UVRAG: variants seen among roughly 807,000 people sequenced by gnomAD.
The protein encoded by UVRAG is UV radiation resistance-associated gene protein.
A neutral mutation model predicts 78.0 loss-of-function variants in UVRAG; 19 were observed. The ratio of observed to expected loss-of-function variants is 0.24; its 90% CI spans 0.17 to 0.36. UVRAG has a LOEUF of 0.36. Ranked by LOEUF, UVRAG falls within the 10% of genes least tolerant of loss-of-function variation. The probability of loss-of-function intolerance (pLI) is 1.00; values close to 1 mark genes in which losing one functional copy is unlikely to be tolerated. For synonymous variants in UVRAG, 323 were observed against 324.6 expected (o/e 1.00, Z 0.05); for missense variants, 740 against 853.8 (o/e 0.87, Z 1.66).
intron 8 of UVRAG, among the ~76,000 whole-genome samples, chr11:75,988,423 G>A (rs1007163561): frequency 1.3e-5 from 2 of 152,288 alleles, no homozygotes; most frequent in South Asian, 2.1e-4. Flanking sequence ...TGGGATTTAT[G>A]TGGTTGTATG....
chr11:76,066,798 G>GT (rs1483157322), intron 13 of UVRAG, among the ~76,000 whole-genome samples: 2 of 152,124 alleles, frequency 1.3e-5, no homozygotes, highest in African/African-American at 4.8e-5. Context: ...AATAACAAGT[G>GT]TTTTGTTTTG....
chr11:75,848,450 G>A (rs1174729794), intron 1 of UVRAG, among the ~76,000 whole-genome samples: 1 of 152,112 alleles, frequency 6.6e-6, no homozygotes, highest in African/African-American at 2.4e-5. Flanking sequence ...TCGCATTAAT[G>A]GATTACACTG....
At chr11:75,855,331 G>A (rs1445217761) in intron 2 of UVRAG, among the ~76,000 whole-genome samples, 1 of 152,202 alleles carries the variant, frequency 6.6e-6, no homozygotes, top group Non-Finnish European at 1.5e-5. Context: ...TGTTGCTGTT[G>A]AATCTGGCAC....
chr11:76,030,065 T>C (rs778910922), intron 12 of UVRAG, among the ~76,000 whole-genome samples: 29 of 152,230 alleles, frequency 1.9e-4, no homozygotes, highest in Admixed American at 7.2e-4. Context: ...ACTATATATT[T>C]TGTATTTTCT....
chr11:75,927,585 A>G (rs1000494181), intron 6 of UVRAG, among the ~76,000 whole-genome samples: 2 of 152,240 alleles, frequency 1.3e-5, no homozygotes, highest in East Asian at 1.9e-4. Context: ...GGTAAGTTCT[A>G]TGAAGAAAAA....
chr11:76,093,493 T>C (rs1951739409), intron 13 of UVRAG, among the ~76,000 whole-genome samples: 1 of 152,234 alleles, frequency 6.6e-6, no homozygotes, highest in Non-Finnish European at 1.5e-5. Flanking sequence ...TCCATGAGCA[T>C]GGAATGTTCT....
chr11:75,843,731 G>T (rs541578640), intron 1 of UVRAG, among the ~76,000 whole-genome samples: 42 of 152,260 alleles, frequency 2.8e-4, no homozygotes, highest in Non-Finnish European at 5.6e-4. Flanking sequence ...GGCCGAGGTG[G>T]GTGGATCATT....
chr11:75,846,255 G>A (rs755862547), intron 1 of UVRAG, among the ~76,000 whole-genome samples: 34 of 152,104 alleles, frequency 2.2e-4, no homozygotes, highest in South Asian at 6.2e-4. Flanking sequence ...AAGACTTACC[G>A]CGTTTCAGTC....
At chr11:76,126,595 C>T (rs1372876961) in intron 14 of UVRAG, among the ~76,000 whole-genome samples, 1 of 152,108 alleles carries the variant, frequency 6.6e-6, no homozygotes, top group Non-Finnish European at 1.5e-5. Flanking sequence ...TTTTTAATGG[C>T]TACGTAGTAT....
intron 14 of UVRAG, among the ~76,000 whole-genome samples, chr11:76,139,053 T>C (rs578117297): frequency 1.3e-5 from 2 of 152,368 alleles, no homozygotes; most frequent in African/African-American, 4.8e-5. Flanking sequence ...TTTACTAGTC[T>C]ACTTGCCTAG....
rs1452523961 is a variant in UVRAG at position 76,141,190 on chromosome 11, G to C, written c.1877G>C (p.Cys626Ser). 1.2e-6 allele frequency: 2 copies of C among 1,614,176 alleles called. No homozygotes were observed. The highest frequency in any genetic ancestry group is 2.2e-5 in the South Asian group (2 of 91,078). The part of the protein sequence containing the change: ...EFHPVSEAEL[C>S]CTVEQAEEII... The stretch of plus-strand genomic sequence containing the variant: ...CACCCAGTCTCAGAAGCTGAGCTCT[G>C]CTGTACTGTGGAGCAAGCAGAAGAA... The change falls in exon 15 of 15, where the codon TGC becomes TCC. Residue 626 changes from cysteine (C) to serine (S), a missense_variant. By Grantham distance (112) the Cys-to-Ser change is moderately radical. Transcript: ENST00000356136.
At chr11:76,104,218 A>G (rs1279717416) in intron 13 of UVRAG, among the ~76,000 whole-genome samples, 2 of 152,186 alleles carry the variant, frequency 1.3e-5, no homozygotes, top group Non-Finnish European at 2.9e-5. Flanking sequence ...AAATGAGATG[A>G]CATAAGTAAA....
chr11:75,815,233 A>G lies in UVRAG; in HGVS notation c.-175A>G, dbSNP rs1017976503. The G allele has an allele frequency of 8.9e-6, 4 of 447,912 alleles. No individual in the cohort carries two copies. The highest frequency in any genetic ancestry group is 4.8e-5 in the South Asian group (1 of 20,696). The allele number at this position is 447,912 out of a possible 1,614,324, so 27.7% of individuals were successfully genotyped here. A position where few individuals can be genotyped will look rare whatever the true frequency, so the allele number is the denominator to read the frequency against. On this transcript the variant is annotated 5_prime_UTR_variant, in exon 1 of 15. Coordinates refer to ENST00000356136, the MANE Select transcript of UVRAG (RefSeq NM_003369.4). Reference sequence around the variant, plus strand: ...GCGGTAATATGGCTCTTCCTTAGCCAGCGGCGGCAACGGCGGCAGCGGCGG... The same window carrying G: ...GCGGTAATATGGCTCTTCCTTAGCCGGCGGCGGCAACGGCGGCAGCGGCGG...
intron 12 of UVRAG, among the ~76,000 whole-genome samples, chr11:76,061,268 T>C (rs765475481): frequency 3.3e-5 from 5 of 152,136 alleles, no homozygotes; most frequent in Non-Finnish European, 7.4e-5. Flanking sequence ...AGAACCTTTG[T>C]GTCTAGCTCA....
chr11:75,977,754 C>G (rs1244334619), intron 7 of UVRAG, among the ~76,000 whole-genome samples: 1 of 152,086 alleles, frequency 6.6e-6, no homozygotes. Context: ...TTATTTTGAG[C>G]CTATGTGTGT....
At chr11:75,841,219 C>G (rs914957855) in intron 1 of UVRAG, among the ~76,000 whole-genome samples, 4 of 152,156 alleles carry the variant, frequency 2.6e-5, no homozygotes, top group African/African-American at 9.7e-5. Flanking sequence ...ACAAGCTTGA[C>G]TACATTTCCA....
At chr11:75,883,245 ACTTTC>A (rs933552878) in intron 4 of UVRAG, among the ~76,000 whole-genome samples, 2 of 151,848 alleles carry the variant, frequency 1.3e-5, no homozygotes, top group African/African-American at 4.8e-5. Flanking sequence ...TTCAAGTCAC[ACTTTC>A]CTTCGGTGGT....
At chr11:75,888,279 G>A (rs1343965890) in intron 4 of UVRAG, among the ~76,000 whole-genome samples, 1 of 151,948 alleles carries the variant, frequency 6.6e-6, no homozygotes, top group Non-Finnish European at 1.5e-5. Flanking sequence ...GACCACAGGC[G>A]TGCACCATCA....
At chr11:75,853,214 C>CT (rs933138552) in intron 2 of UVRAG, among the ~76,000 whole-genome samples, 24 of 151,954 alleles carry the variant, frequency 1.6e-4, no homozygotes, top group African/African-American at 5.8e-4. Flanking sequence ...TCCCTAACCT[C>CT]TTTTTAGTTT....
Sources: allele counts gnomAD v4.1 joint callset (sites outside exome capture counted in the v4.1 genomes callset), GRCh38; gene constraint gnomAD v4.1.1; transcripts MANE v1.5; gene names NCBI Gene and HGNC (gene_info 2026-07-23, HGNC 2026-07-21).